The following TSC1 variants were observed in gnomAD, a reference collection of about 807,000 sequenced individuals.
TSC1 encodes the protein hamartin.
In TSC1, 20 loss-of-function variants were observed where a neutral mutation model predicts 124.3. The observed-to-expected ratio is 0.16, with a 90% CI of 0.11 to 0.23. TSC1 has a LOEUF of 0.23. TSC1 is among the 10% of genes least tolerant of loss of function. The probability of loss-of-function intolerance (pLI) is 1.00; values close to 1 mark genes in which losing one functional copy is unlikely to be tolerated. For synonymous variants in TSC1, 493 were observed against 539.1 expected (o/e 0.91, Z 1.19); for missense variants, 1,124 against 1,448.5 (o/e 0.78, Z 3.64).
At chr9:132,929,692 T>G (rs1258276564) in intron 2 of TSC1, among the ~76,000 whole-genome samples, 2 of 152,242 alleles carry the variant, frequency 1.3e-5, no homozygotes, top group East Asian at 3.8e-4. Flanking sequence ...TCTGAGGCTA[T>G]ATTTGTTAAA....
rs1442445185 is a variant in TSC1, at chr9:132,906,418, G to A, written c.1439-279C>T. 1 of 539,434 alleles carries A rather than the reference G, an allele frequency of 1.9e-6. No individual in the cohort carries two copies. The highest frequency in any genetic ancestry group is 3.1e-5 in the Admixed American group (1 of 32,444). The allele number at this position is 539,434 out of a possible 1,614,324, so 33.4% of individuals were successfully genotyped here. ...ATAAAAATCAGCTGAGCATCGTGGTGTATGCCTGTGGTCCCAGCTACTCAG... is the reference window on the plus strand; with the variant it reads ...ATAAAAATCAGCTGAGCATCGTGGTATATGCCTGTGGTCCCAGCTACTCAG... On this transcript the variant is annotated intron_variant, in intron 14 of 22. Coordinates refer to ENST00000298552, the MANE Select transcript of TSC1 (RefSeq NM_000368.5). This position sits in a 1 kb window ranked among gnomAD's most constrained non-coding sequence, Gnocchi z 4.1.
chr9:132,927,059 T>G, intron 4 of TSC1, 142 bp downstream of exon 4: 1 of 780,416 alleles, frequency 1.3e-6, no homozygotes, highest in African/African-American at 1.7e-5. Flanking sequence ...TTTTTATATG[T>G]AGTTATAAAC....
In TSC1 at chr9:132,896,247, A is replaced by T. The variant is rs1588285797; in HGVS notation, c.3483T>A (p.His1161Gln). Residue 1161 changes from histidine (H) to glutamine (Q), a missense_variant, in exon 23 of 23, where the codon CAT becomes CAA. This residue lies in a region of TSC1 where 325 missense variants were observed against 383.4 expected (regional missense o/e 0.85). Coordinates refer to ENST00000298552, the MANE Select transcript of TSC1 (RefSeq NM_000368.5). This position sits in a 1 kb window ranked among gnomAD's most constrained non-coding sequence, Gnocchi z 4.5. ...TGACCATCATTCCTTAGCTGTGTTC[A>T]TGATGAGTCTCATTGTAGTCCATGA... Reference protein sequence around the residue: ...LHIMDYNETHHEHS With the variant: ...LHIMDYNETHQEHS The T allele has an allele frequency of 1.2e-6, 2 of 1,614,224 alleles. No homozygotes were observed. The highest frequency in any genetic ancestry group is 3.3e-4 in the Middle Eastern group (2 of 6,062).
At chr9:132,916,519 T>C (rs529819036) in intron 8 of TSC1, among the ~76,000 whole-genome samples, 11 of 152,254 alleles carry the variant, frequency 7.2e-5, no homozygotes, top group South Asian at 2.1e-4. Context: ...TAACTGTTTT[T>C]GTTGTTTTCA....
In TSC1 at chr9:132,900,591, G is replaced by A. The variant is rs1258313510; in HGVS notation, c.2625+124C>T. The stretch of plus-strand genomic sequence containing the variant: ...TTGTATAGCTGGACCACGGAGTAGT[G>A]GGACTGCCGCTCCGTCTTTTAGGAA... On this transcript the variant is annotated intron_variant, in intron 20 of 22. Coordinates refer to ENST00000298552, the MANE Select transcript of TSC1 (RefSeq NM_000368.5). The A allele has an allele frequency of 2.7e-6, 4 of 1,500,160 alleles. No individual in the cohort carries two copies. The African/African-American group carries it at 5.5e-5, about 21-fold the overall frequency. The allele number at this position is 1,500,160 out of a possible 1,614,324, so 92.9% of individuals were successfully genotyped here.
At chr9:132,944,642 C>G (rs1052957816), upstream of TSC1, 1 of 398,824 alleles carries the variant, frequency 2.5e-6, no homozygotes. Context: ...GTGAAAGGGC[C>G]AAGGCCGACG....
At position 132,923,730 on chromosome 9, in the gene TSC1, T is replaced by C. The variant is rs1050324408; in HGVS notation, c.364-238A>G. 2.0e-5 allele frequency: 11 copies of C among 539,440 alleles called. No individual in the cohort carries two copies. The highest frequency in any genetic ancestry group is 3.0e-5 in the Non-Finnish European group (9 of 304,424). The allele number at this position is 539,440 out of a possible 1,614,324, so 33.4% of individuals were successfully genotyped here. On this transcript the variant is annotated intron_variant, in intron 5 of 22. Coordinates refer to ENST00000298552, the MANE Select transcript of TSC1 (RefSeq NM_000368.5). This position sits in a 1 kb window ranked among gnomAD's most constrained non-coding sequence, Gnocchi z 4.2. The stretch of plus-strand genomic sequence containing the variant: ...GTGAGGACCATTTACAACACACCTA[T>C]GCAAAGGCATCCGGGAGACGAGTTC...
At chr9:132,912,599 T>C in intron 8 of TSC1, 142 bp from the exon 9 acceptor site, 2 of 869,588 alleles carry the variant, frequency 2.3e-6, no homozygotes, top group South Asian at 2.9e-5. Context: ...GAAACAATTC[T>C]AGTACATAAA....
upstream of TSC1, chr9:132,944,681 CT>C (rs1847991094): frequency 2.5e-6 from 1 of 398,892 alleles, no homozygotes; most frequent in Non-Finnish European, 4.4e-6. Flanking sequence ...AAGAGTCCCC[CT>C]CCGGACCTCC....
Position 132,921,500 on chromosome 9 carries a change from A to G in TSC1, c.664-64T>C. ...GTTTGTGGAACATCCAAATGATGGA[A>G]TATTAGTTGACAATTAAAAGGAATG... On this transcript the variant is annotated intron_variant, in intron 7 of 22. Transcript: ENST00000298552. The surrounding 1 kb of genome is among the most constrained non-coding windows in gnomAD (Gnocchi z 4.3). The G allele has an allele frequency of 9.0e-6, 14 of 1,560,732 alleles. No individual in the cohort carries two copies. Among genetic ancestry groups the G allele is most frequent in the Non-Finnish European group, 1.1e-5 (12 of 1,132,046 alleles).
At position 132,896,188 on chromosome 9, in the gene TSC1, G is replaced by A. The variant is rs1215545247; in HGVS notation, c.*47C>T. On this transcript the variant is annotated 3_prime_UTR_variant, in exon 23 of 23. Coordinates refer to ENST00000298552, the MANE Select transcript of TSC1 (RefSeq NM_000368.5). The surrounding 1 kb of genome is among the most constrained non-coding windows in gnomAD (Gnocchi z 4.5). ...TTTGAAACGTGCATTCACACCTCCT[G>A]TTCTGTGCCAACAATATGCAAGTTA... The A allele has an allele frequency of 1.2e-6, 2 of 1,613,140 alleles. No individual in the cohort carries two copies. The highest frequency in any genetic ancestry group is 1.3e-5 in the African/African-American group (1 of 74,920).
Position 132,896,717 on chromosome 9 carries a change from C to G in TSC1, c.3013G>C (p.Val1005Leu), listed in dbSNP as rs1588288220. 1 of 1,613,898 alleles carries G rather than the reference C, an allele frequency of 6.2e-7. No homozygotes were observed. Among genetic ancestry groups the G allele is most frequent in the Non-Finnish European group, 8.5e-7 (1 of 1,180,028 alleles). The change falls in exon 23 of 23, where the codon GTA (valine) becomes CTA (leucine). Residue 1005 changes from valine to leucine, a missense_variant. Physicochemically the swap from Val to Leu is conservative, Grantham distance 32. Around this residue, in one of 5 missense-constraint regions of TSC1, gnomAD observed 325 missense variants for 383.4 expected, o/e 0.85. Coordinates refer to ENST00000298552, the MANE Select transcript of TSC1 (RefSeq NM_000368.5). The surrounding 1 kb of genome is among the most constrained non-coding windows in gnomAD (Gnocchi z 4.5). ...CCAGATGCCTCTTCATTGTGCCCTA[C>G]CATGGAATCTGAGCACCCGTCATTA... is the stretch of plus-strand genomic sequence containing the variant. ...CCNDGCSDSMVGHNEEASGHN... is the reference protein window; with the variant it reads ...CCNDGCSDSMLGHNEEASGHN...
chr9:132,897,369 A>T (rs554016277), intron 21 of TSC1, 24 bp from the exon 22 acceptor site: 1 of 1,614,252 alleles, frequency 6.2e-7, no homozygotes, highest in Non-Finnish European at 8.5e-7. Context: ...ACCAGCCAGA[A>T]TATAGGAAGT....
In TSC1 at chr9:132,892,578, C is replaced by A; in HGVS notation, c.*3657G>T. 1 of 233,370 alleles carries A rather than the reference C, an allele frequency of 4.3e-6. No homozygotes were observed. Among genetic ancestry groups the A allele is most frequent in the Non-Finnish European group, 8.5e-6 (1 of 118,122 alleles). 14.5% of individuals were successfully genotyped at this position (233,370 alleles called of 1,614,324 possible). ...CACCCCATCTCACCAAGGTCCTGGCCGGGTCTTCGCTCTGCCCAAACCCTC... is the reference window on the plus strand; with the variant it reads ...CACCCCATCTCACCAAGGTCCTGGCAGGGTCTTCGCTCTGCCCAAACCCTC... On this transcript the variant is annotated 3_prime_UTR_variant, in exon 23 of 23. Transcript: ENST00000298552.
At chr9:132,904,063 C>A (rs565740483) in intron 16 of TSC1, among the ~76,000 whole-genome samples, 1 of 152,140 alleles carries the variant, frequency 6.6e-6, no homozygotes, top group Non-Finnish European at 1.5e-5. Context: ...GCTTTCCTTT[C>A]CCCACAAATC....
intron 3 of TSC1, 34 bp from the exon 4 acceptor site, chr9:132,927,338 T>C (rs2132272734): frequency 1.9e-6 from 3 of 1,593,290 alleles, no homozygotes; most frequent in Non-Finnish European, 2.6e-6. Context: ...ATGATACTTA[T>C]TCCCCTTAAC....
chr9:132,925,820 A>C, intron 4 of TSC1, 81 bp from the exon 5 acceptor site: 1 of 1,548,596 alleles, frequency 6.5e-7, no homozygotes, highest in Non-Finnish European at 8.9e-7. Flanking sequence ...GATGTGCTCC[A>C]ATCTCTCAAG....
chr9:132,903,832 G>A lies in TSC1; in HGVS notation c.2042-15C>T, dbSNP rs770573808. 4 of 1,613,684 alleles carry A rather than the reference G, an allele frequency of 2.5e-6. No individual in the cohort carries two copies. The South Asian group carries it at 3.3e-5, about 13-fold the overall frequency. ...AGGAGGAGAGCCTGATTGTAAAGCA[G>A]AGGGAGGGTGGCAGAAATGCCTTTT... On this transcript the variant is annotated splice_polypyrimidine_tract_variant and intron_variant, in intron 16 of 22. Transcript: ENST00000298552. The surrounding 1 kb of genome is among the most constrained non-coding windows in gnomAD (Gnocchi z 5.9).
chr9:132,921,553 T>A lies in TSC1; in HGVS notation c.664-117A>T. On this transcript the variant is annotated intron_variant, in intron 7 of 22. Transcript: ENST00000298552. This position sits in a 1 kb window ranked among gnomAD's most constrained non-coding sequence, Gnocchi z 4.3. ...GTACTGATACATGTTATAACACAGA[T>A]GGAACCTTGAGAACATTATACTGAG... The A allele has an allele frequency of 8.0e-7, 1 of 1,242,622 alleles. No homozygotes were observed. The highest frequency in any genetic ancestry group is 1.3e-5 in the South Asian group (1 of 79,992). The allele number at this position is 1,242,622 out of a possible 1,614,324, so 77.0% of individuals were successfully genotyped here.
Sources: allele counts gnomAD v4.1 joint callset (sites outside exome capture counted in the v4.1 genomes callset), GRCh38; gene constraint gnomAD v4.1.1; regional missense constraint gnomAD v4.1.1; non-coding constraint Gnocchi (gnomAD v3.1); transcripts MANE v1.5; gene names NCBI Gene and HGNC (gene_info 2026-07-23, HGNC 2026-07-21).